ZNF469: variants seen among roughly 807,000 people sequenced by gnomAD.
The protein encoded by ZNF469 is zinc finger protein 469.
A neutral mutation model predicts 1.0 loss-of-function variants in ZNF469; 1 was observed. The observed-to-expected ratio is 1.00, with a 90% CI of 0.35 to 4.73. The LOEUF (loss-of-function observed/expected upper bound fraction) is 4.73, where lower values mean the gene tolerates loss of function less well. ZNF469 is among the 30% of genes most tolerant of loss of function. The pLI, the probability that ZNF469 is intolerant of heterozygous loss-of-function variation, is 0.16. For synonymous variants in ZNF469, 2,703 were observed against 2,363.4 expected, an observed-to-expected ratio of 1.14 and a Z score of -4.17; for missense variants, 6,100 against 5,356.3, an observed-to-expected ratio of 1.14 and a Z score of -4.33.
chr16:88,206,565 A>AAACAAAC, the ZNF469 span, among the ~76,000 whole-genome samples: 2 of 151,794 alleles, frequency 1.3e-5, no homozygotes, highest in Non-Finnish European at 2.9e-5. Flanking sequence ...TTATGACAAA[A>AAACAAAC]AAACAAACAA....
chr16:88,118,440 C>T, the ZNF469 span, among the ~76,000 whole-genome samples: 39 of 152,190 alleles, frequency 2.6e-4, no homozygotes, highest in Admixed American at 5.2e-4. Context: ...CTCAGCTGCT[C>T]GACCTGGTCC....
the ZNF469 span, among the ~76,000 whole-genome samples, chr16:88,128,653 C>G: frequency 6.6e-6 from 1 of 152,254 alleles, no homozygotes; most frequent in African/African-American, 2.4e-5. Flanking sequence ...CGACCCAGGT[C>G]TCCCTTTGCC....
chr16:88,176,671 G>A, the ZNF469 span, among the ~76,000 whole-genome samples: 6 of 152,152 alleles, frequency 3.9e-5, no homozygotes, highest in South Asian at 2.1e-4. Context: ...CATGATGACC[G>A]TGTGTTTGTC....
At chr16:88,392,468 T>C (rs1221005356) in intron 1 of ZNF469, among the ~76,000 whole-genome samples, 4 of 152,246 alleles carry the variant, frequency 2.6e-5, no homozygotes, top group African/African-American at 9.6e-5. Context: ...CGGACCTCTT[T>C]CGTCTCTGAG....
the ZNF469 span, among the ~76,000 whole-genome samples, chr16:88,273,378 C>T: frequency 2.6e-5 from 4 of 151,708 alleles, no homozygotes; most frequent in East Asian, 5.8e-4. Context: ...TTTACAAAGT[C>T]GTGCACATGA....
At chr16:88,126,969 G>A in the ZNF469 span, among the ~76,000 whole-genome samples, 13 of 152,102 alleles carry the variant, frequency 8.5e-5, no homozygotes, top group African/African-American at 2.4e-4. Context: ...ACAGTCACAC[G>A]CCACCACGCC....
the ZNF469 span, among the ~76,000 whole-genome samples, chr16:88,160,003 C>T: frequency 3.3e-5 from 5 of 152,322 alleles, no homozygotes; most frequent in South Asian, 2.1e-4. Context: ...TGGATCACCT[C>T]GGGTAGCTTG....
At chr16:88,203,718 G>C in the ZNF469 span, among the ~76,000 whole-genome samples, 2 of 143,814 alleles carry the variant, frequency 1.4e-5, no homozygotes, top group Non-Finnish European at 3.1e-5. Context: ...CCTCTGCTCT[G>C]TGTCTGTCCC....
At chr16:88,359,998 T>C in the ZNF469 span, among the ~76,000 whole-genome samples, 1 of 152,326 alleles carries the variant, frequency 6.6e-6, no homozygotes, top group East Asian at 1.9e-4. Flanking sequence ...TCAATATTTG[T>C]ATATTGGTTC....
chr16:88,227,348 C>T, the ZNF469 span, among the ~76,000 whole-genome samples: 4 of 152,256 alleles, frequency 2.6e-5, no homozygotes, highest in South Asian at 6.2e-4. Flanking sequence ...CGGGAGGACC[C>T]GTCAACCGCC....
intron 1 of ZNF469, among the ~76,000 whole-genome samples, chr16:88,405,274 C>T (rs1043557242): frequency 3.5e-5 from 5 of 142,494 alleles, no homozygotes; most frequent in African/African-American, 1.3e-4. Flanking sequence ...CAGGACGAGG[C>T]TGGCACACGG....
At chr16:88,313,011 G>A in the ZNF469 span, among the ~76,000 whole-genome samples, 1 of 152,226 alleles carries the variant, frequency 6.6e-6, no homozygotes, top group African/African-American at 2.4e-5. Context: ...TGACTCTGCA[G>A]CCTGATCTAG....
At chr16:88,245,298 G>A in the ZNF469 span, among the ~76,000 whole-genome samples, 3 of 152,340 alleles carry the variant, frequency 2.0e-5, no homozygotes, top group East Asian at 5.8e-4. Context: ...AAGTAGAGGA[G>A]GAGGCTGTGA....
chr16:88,190,469 G>C, the ZNF469 span, among the ~76,000 whole-genome samples: 3 of 152,216 alleles, frequency 2.0e-5, no homozygotes, highest in Non-Finnish European at 4.4e-5. Context: ...TTGTGTTCAG[G>C]AGGTGGAGGA....
the ZNF469 span, among the ~76,000 whole-genome samples, chr16:88,349,887 CTTG>C: frequency 7.2e-6 from 1 of 139,248 alleles, no homozygotes; most frequent in Non-Finnish European, 1.6e-5. Flanking sequence ...ACACCACACA[CTTG>C]CACACACATC....
chr16:88,316,869 T>C, the ZNF469 span, among the ~76,000 whole-genome samples: 6 of 152,108 alleles, frequency 3.9e-5, no homozygotes, highest in African/African-American at 1.4e-4. Context: ...CAGTGCCGCA[T>C]TGCCCAGCAT....
rs923652315 is a variant in ZNF469, at chr16:88,440,241, C to G, written c.*909C>G. On this transcript the variant is annotated 3_prime_UTR_variant, in exon 3 of 3. Coordinates refer to ENST00000565624, the MANE Select transcript of ZNF469 (RefSeq NM_001367624.2). Reference sequence around the variant, plus strand: ...GGTGGGACAGACGGGGTCAGGGAGGCCCCACCATGGCTTGTCGAGGGCACG... The same window carrying G: ...GGTGGGACAGACGGGGTCAGGGAGGGCCCACCATGGCTTGTCGAGGGCACG... 1 of 150,974 alleles carries G rather than the reference C, an allele frequency of 6.6e-6. No individual in the cohort carries two copies. The highest frequency in any genetic ancestry group is 1.9e-4 in the East Asian group (1 of 5,188). The allele number at this position is 150,974 out of a possible 1,614,324, so 9.4% of individuals were successfully genotyped here.
At chr16:88,167,206 C>T in the ZNF469 span, among the ~76,000 whole-genome samples, 3 of 152,000 alleles carry the variant, frequency 2.0e-5, no homozygotes, top group Non-Finnish European at 2.9e-5. Context: ...GGATTACAAG[C>T]ACCTGCCACC....
At chr16:88,139,757 G>C in the ZNF469 span, among the ~76,000 whole-genome samples, 2 of 152,198 alleles carry the variant, frequency 1.3e-5, no homozygotes, top group Non-Finnish European at 2.9e-5. Flanking sequence ...GCTTTGAGTA[G>C]AGGAAAGAAG....
Sources: gnomAD v4.1 joint callset for allele counts (sites outside exome capture counted in the v4.1 genomes callset) on GRCh38, gnomAD v4.1.1 for gene constraint, MANE v1.5 for transcripts, NCBI Gene and HGNC (gene_info 2026-07-23, HGNC 2026-07-21) for gene names.